The following DBT variants were observed in gnomAD, a reference collection of about 807,000 sequenced individuals.
DBT encodes lipoamide acyltransferase component of branched-chain alpha-keto acid dehydrogenase complex, mitochondrial.
Under a neutral mutation model 51.3 loss-of-function variants are expected in DBT, and 40 were observed. The ratio of observed to expected loss-of-function variants is 0.78; its 90% confidence interval spans 0.61 to 1.02. The LOEUF is 1.02. DBT is among the 50% of genes least tolerant of loss of function. The probability of loss-of-function intolerance (pLI) is 0.00; values close to 1 mark genes in which losing one functional copy is unlikely to be tolerated. For missense variants in DBT, 510 were observed against 580.2 expected (o/e 0.88, Z 1.24); for synonymous variants, 181 against 190.4 (o/e 0.95, Z 0.41).
At chr1:100,217,010 A>G (rs1662532131) in intron 5 of DBT, among the ~76,000 whole-genome samples, 1 of 152,216 alleles carries the variant, frequency 6.6e-6, no homozygotes, top group South Asian at 2.1e-4. Flanking sequence ...TAACAAATGG[A>G]CTATGAAAAT....
intron 1 of DBT, chr1:100,249,091 G>C (rs1188056885): frequency 4.0e-6 from 4 of 988,286 alleles, no homozygotes; most frequent in Non-Finnish European, 4.8e-6. Flanking sequence ...AGCATCTAGG[G>C]AAAGGGAGAA....
At chr1:100,239,393 A>G (rs1664075781) in intron 2 of DBT, among the ~76,000 whole-genome samples, 2 of 152,204 alleles carry the variant, frequency 1.3e-5, no homozygotes, top group Admixed American at 1.3e-4. Context: ...GTAACAAAAA[A>G]AGATCAACTT....
At chr1:100,205,628 C>T (rs1047993184) in intron 10 of DBT, among the ~76,000 whole-genome samples, 3 of 152,176 alleles carry the variant, frequency 2.0e-5, no homozygotes, top group Non-Finnish European at 4.4e-5. Flanking sequence ...ATAAATCATG[C>T]TACTATAAAG....
intron 2 of DBT, among the ~76,000 whole-genome samples, chr1:100,235,849 A>G (rs1663831518): frequency 6.6e-6 from 1 of 152,230 alleles, no homozygotes; most frequent in Non-Finnish European, 1.5e-5. Flanking sequence ...ACAAAGATAT[A>G]CAAAGAGAGA....
chr1:100,230,431 T>C (rs916397267), intron 4 of DBT, among the ~76,000 whole-genome samples: 6 of 152,324 alleles, frequency 3.9e-5, no homozygotes, highest in African/African-American at 1.2e-4. Flanking sequence ...GTTTGAGTCA[T>C]TACCCAGAGG....
Position 100,189,956 on chromosome 1 carries a change from G to A in DBT, c.*6299C>T, listed in dbSNP as rs1660736845. On this transcript the variant is annotated 3_prime_UTR_variant, in exon 11 of 11. Coordinates refer to ENST00000370132, the MANE Select transcript of DBT (RefSeq NM_001918.5). ...AGCTATTTAAATTTAAATTTAATTA[G>A]TGTGGCTACTGAGCAATTGAAATGT... 6.6e-6 allele frequency: 1 copy of A among 152,072 alleles called. No homozygotes were observed. Among genetic ancestry groups the A allele is most frequent in the African/African-American group, 2.4e-5 (1 of 41,370 alleles). The allele number at this position is 152,072 out of a possible 1,614,324, so 9.4% of individuals were successfully genotyped here.
Position 100,206,329 on chromosome 1 carries a change from G to A in DBT, c.1210-28C>T, listed in dbSNP as rs1304105223. 5 of 1,526,198 alleles carry A rather than the reference G, an allele frequency of 3.3e-6. No individual in the cohort carries two copies. In the Admixed American group the frequency reaches 5.1e-5, roughly 15 times the overall value. 94.5% of individuals were successfully genotyped at this position (1,526,198 alleles called of 1,614,324 possible). ...ATTTTTTAAAAAAAAAAAAAGGAGAGTATTAAAAGTTAAGATTTTTCAGGG... is the reference window on the plus strand; with the variant it reads ...ATTTTTTAAAAAAAAAAAAAGGAGAATATTAAAAGTTAAGATTTTTCAGGG... On this transcript the variant is annotated intron_variant, in intron 9 of 10. Transcript: ENST00000370132.
chr1:100,221,898 T>G (rs1662874651), intron 4 of DBT, among the ~76,000 whole-genome samples: 1 of 152,204 alleles, frequency 6.6e-6, no homozygotes, highest in Non-Finnish European at 1.5e-5. Context: ...TAACATTAAG[T>G]AATCCCCTTA....
chr1:100,220,282 T>G (rs1662774703), intron 4 of DBT, among the ~76,000 whole-genome samples: 1 of 148,418 alleles, frequency 6.7e-6, no homozygotes, highest in Non-Finnish European at 1.5e-5. Flanking sequence ...AAAAAAAAAA[T>G]GTTTTTGAGA....
chr1:100,199,503 C>T (rs1661306662), intron 10 of DBT, among the ~76,000 whole-genome samples: 1 of 152,184 alleles, frequency 6.6e-6, no homozygotes, highest in South Asian at 2.1e-4. Flanking sequence ...TTGATCCATA[C>T]AGAAACAACC....
At chr1:100,234,709 T>C (rs1191976787) in intron 3 of DBT, among the ~76,000 whole-genome samples, 3 of 152,198 alleles carry the variant, frequency 2.0e-5, no homozygotes, top group African/African-American at 7.2e-5. Context: ...TGAAGTCCAT[T>C]GCTCTTTCCA....
rs1316453119 is a variant in DBT, at chr1:100,218,086, A to G, written c.555+540T>C. Among the ~76,000 whole-genome samples the G allele has an allele frequency of 1.3e-4, 20 of 152,178 alleles. 1 individual carries two copies. On this transcript the variant is annotated intron_variant, in intron 5 of 10. Coordinates refer to ENST00000370132, the MANE Select transcript of DBT (RefSeq NM_001918.5). ...CATTCAGTCAATGACTGGCAGAGGA[A>G]ATACAAAAGGCCGGCCTCCTTGCCT...
intron 7 of DBT, among the ~76,000 whole-genome samples, chr1:100,214,329 A>C (rs985088427): frequency 1.1e-4 from 16 of 152,188 alleles, no homozygotes; most frequent in Non-Finnish European, 5.9e-5. Context: ...ATAGTACAGA[A>C]ATCTCAATTT....
chr1:100,209,601 G>A (rs1401312531), intron 8 of DBT, among the ~76,000 whole-genome samples: 3 of 150,098 alleles, frequency 2.0e-5, no homozygotes, highest in African/African-American at 4.9e-5. Flanking sequence ...TGCTCTTGTC[G>A]CCCACGCTGG....
Position 100,219,393 on chromosome 1 carries a change from C to T in DBT, c.434-646G>A, listed in dbSNP as rs143362003. On this transcript the variant is annotated intron_variant, in intron 4 of 10. Coordinates refer to ENST00000370132, the MANE Select transcript of DBT (RefSeq NM_001918.5). ...TTTTAAACATTTTTCTAATAAAATT[C>T]TCATTTATATTTATAAACAGCACGG... Among the ~76,000 whole-genome samples the T allele has an allele frequency of 2.9e-4, 44 of 151,900 alleles. No individual in the cohort carries two copies. The East Asian group carries it at 7.7e-3, about 27-fold the overall frequency.
chr1:100,216,740 C>T (rs760401824), intron 5 of DBT, among the ~76,000 whole-genome samples: 15 of 152,184 alleles, frequency 9.9e-5, no homozygotes, highest in Non-Finnish European at 1.6e-4. Flanking sequence ...CACTGGCTAC[C>T]AGTTAAAAAC....
intron 4 of DBT, among the ~76,000 whole-genome samples, chr1:100,226,612 A>G (rs923205073): frequency 6.6e-6 from 1 of 152,108 alleles, no homozygotes; most frequent in African/African-American, 2.4e-5. Flanking sequence ...GAAATTTAGA[A>G]TCAAAGTAAT....
intron 4 of DBT, 104 bp downstream of exon 4, chr1:100,230,629 G>GAAA (rs11394110): frequency 3.0e-3 from 1,571 of 527,790 alleles, no homozygotes; most frequent in South Asian, 5.8e-3. Context: ...AATAGGAATA[G>GAAA]AAAAAAAAAA....
chr1:100,196,332 C>A lies in DBT; in HGVS notation c.1372G>T (p.Ala458Ser), dbSNP rs763881630. 9.4e-6 allele frequency: 15 copies of A among 1,597,294 alleles called. No individual in the cohort carries two copies. The highest frequency in any genetic ancestry group is 1.3e-5 in the Non-Finnish European group (15 of 1,173,392). Reference sequence around the variant, plus strand: ...AAATTGGAGAAGCGTGACATTGTAGCACCATCAATAACTCTGTGATCAGCT... The same window carrying A: ...AAATTGGAGAAGCGTGACATTGTAGAACCATCAATAACTCTGTGATCAGCT... ...WSADHRVIDGATMSRFSNLWK... is the reference protein window; with the variant it reads ...WSADHRVIDGSTMSRFSNLWK... Residue 458 changes from alanine to serine, a missense_variant, in exon 11 of 11, where the codon GCT (alanine) becomes TCT (serine). Physicochemically the swap from Ala to Ser is moderately conservative, Grantham distance 99. Transcript: ENST00000370132.
Sources: gnomAD v4.1 joint callset for allele counts (sites outside exome capture counted in the v4.1 genomes callset) on GRCh38, gnomAD v4.1.1 for gene constraint, MANE v1.5 for transcripts, NCBI Gene and HGNC (gene_info 2026-07-23, HGNC 2026-07-21) for gene names.